CTNNA3: variants seen among roughly 807,000 people sequenced by gnomAD.
The protein encoded by CTNNA3 is catenin alpha 3, also known as catenin alpha-3.
Under a neutral mutation model 95.7 loss-of-function variants are expected in CTNNA3, and 76 were observed. The ratio of observed to expected loss-of-function variants is 0.79; its 90% CI spans 0.66 to 0.96. CTNNA3 has a LOEUF of 0.96. Ranked by LOEUF, CTNNA3 falls within the 40% of genes least tolerant of loss-of-function variation. CTNNA3 has a pLI of 0.00. For synonymous variants in CTNNA3, 431 were observed against 374.4 expected, an observed-to-expected ratio of 1.15 and a Z score of -1.74; for missense variants, 1,191 against 1,089.8, an observed-to-expected ratio of 1.09 and a Z score of -1.31.
chr10:67,249,073 C>G (rs1866010659), intron 5 of CTNNA3, among the ~76,000 whole-genome samples: 1 of 151,830 alleles, frequency 6.6e-6, no homozygotes, highest in Admixed American at 6.6e-5. Flanking sequence ...GCACAAACAG[C>G]AAAAGAAAAG....
chr10:67,719,898 G>A lies in CTNNA3; in HGVS notation c.-2+43536C>T, dbSNP rs544484524. Among the ~76,000 whole-genome samples the A allele has an allele frequency of 1.1e-4, 16 of 151,838 alleles. No individual in the cohort carries two copies. In the South Asian group the frequency reaches 1.9e-3, roughly 18 times the overall value. On this transcript the variant is annotated intron_variant, in intron 1 of 17. Coordinates refer to the CTNNA3 transcript ENST00000684154. ...TTGATCTGTGTAATATTGACAGTGG[G>A]GTGTTAGAGTCTCACAGTATTATTG... is the stretch of plus-strand genomic sequence containing the variant.
intron 1 of CTNNA3, among the ~76,000 whole-genome samples, chr10:67,665,217 G>A (rs1196902035): frequency 7.0e-6 from 1 of 142,460 alleles, no homozygotes; most frequent in Non-Finnish European, 1.5e-5. Flanking sequence ...CTGCTCAATT[G>A]AATCTGCCTG....
chr10:67,005,566 G>C (rs531946869), intron 7 of CTNNA3, among the ~76,000 whole-genome samples: 1 of 151,976 alleles, frequency 6.6e-6, no homozygotes, highest in African/African-American at 2.4e-5. Flanking sequence ...GGAAGAGGAG[G>C]CAAAGGTGAA....
rs146676812 is a variant in CTNNA3 at position 66,470,290 on chromosome 10, C to T, written c.1531+50327G>A. ...CTGTCAAACATGAAAGGGGAACGCA[C>T]GAACAGGAAGTTTGAAGACTGTGGA... On this transcript the variant is annotated intron_variant, in intron 11 of 17. Transcript: ENST00000433211. Among the ~76,000 whole-genome samples the T allele has an allele frequency of 6.0e-3, 915 of 151,792 alleles. 11 individuals are homozygous for T. Among genetic ancestry groups the T allele is most frequent in the African/African-American group, 0.021 (860 of 41,452 alleles).
chr10:67,304,706 C>G (rs1311601449), intron 5 of CTNNA3, among the ~76,000 whole-genome samples: 1 of 151,972 alleles, frequency 6.6e-6, no homozygotes, highest in Non-Finnish European at 1.5e-5. Flanking sequence ...TGACGTTATG[C>G]TAGTTGCTAT....
chr10:66,049,444 C>G (rs926069899), intron 15 of CTNNA3, among the ~76,000 whole-genome samples: 7 of 152,038 alleles, frequency 4.6e-5, no homozygotes, highest in African/African-American at 1.7e-4. Context: ...TGGGTAAATA[C>G]CCAGAGGAAT....
chr10:66,654,568 A>G (rs1490184928), intron 9 of CTNNA3, among the ~76,000 whole-genome samples: 4 of 152,084 alleles, frequency 2.6e-5, no homozygotes, highest in African/African-American at 9.7e-5. Context: ...TTTTGAAAAT[A>G]CCACTACAAT....
chr10:66,022,071 T>C (rs911093244), intron 15 of CTNNA3, among the ~76,000 whole-genome samples: 1 of 151,926 alleles, frequency 6.6e-6, no homozygotes, highest in Non-Finnish European at 1.5e-5. Context: ...CTGCCAAGGC[T>C]GTTCTCAAAC....
chr10:66,838,871 C>A (rs2132341418), intron 7 of CTNNA3, among the ~76,000 whole-genome samples: 1 of 152,342 alleles, frequency 6.6e-6, no homozygotes, highest in East Asian at 1.9e-4. Flanking sequence ...AGACTAATCA[C>A]TGAACTATTT....
chr10:67,595,122 G>A lies in CTNNA3; in HGVS notation c.292+11735C>T, dbSNP rs188322660. 4.9e-4 allele frequency among the ~76,000 whole-genome samples: 75 copies of A among 152,194 alleles called. 1 individual carries two copies. Among genetic ancestry groups the A allele is most frequent in the Middle Eastern group, 6.8e-3 (2 of 294 alleles). ...ATATACACACCAAAATGTGTTTTAC[G>A]TCTCAATTTTATTCAGTTCAGCTCT... On this transcript the variant is annotated intron_variant, in intron 3 of 17. Transcript: ENST00000433211.
intron 2 of CTNNA3, among the ~76,000 whole-genome samples, chr10:67,623,597 G>T (rs1170987081): frequency 6.6e-6 from 1 of 152,126 alleles, no homozygotes; most frequent in Non-Finnish European, 1.5e-5. Context: ...GGAGAGAGTA[G>T]AGAAGAAGCT....
At chr10:66,438,749 A>T (rs1194101830) in intron 11 of CTNNA3, among the ~76,000 whole-genome samples, 1 of 151,762 alleles carries the variant, frequency 6.6e-6, no homozygotes, top group Non-Finnish European at 1.5e-5. Flanking sequence ...TATGAAAAAA[A>T]CTCCTGCAGC....
At chr10:65,940,401 C>A (rs1253058355) in intron 17 of CTNNA3, among the ~76,000 whole-genome samples, 1 of 152,126 alleles carries the variant, frequency 6.6e-6, no homozygotes, top group Admixed American at 6.6e-5. Flanking sequence ...TCCAACATAA[C>A]AGAAAACAGG....
At chr10:67,180,585 GT>G in intron 6 of CTNNA3, 65 bp from the exon 7 acceptor site, 1 of 1,348,870 alleles carries the variant, frequency 7.4e-7, no homozygotes, top group Non-Finnish European at 1.1e-6. Context: ...AAAAACAAAT[GT>G]TATTTTGTTT....
At chr10:66,939,740 C>T (rs554020287) in intron 7 of CTNNA3, among the ~76,000 whole-genome samples, 7 of 152,166 alleles carry the variant, frequency 4.6e-5, no homozygotes, top group Admixed American at 2.0e-4. Context: ...TTGGAACATA[C>T]GTGATAAACA....
chr10:66,545,479 G>A (rs890592420), intron 10 of CTNNA3, among the ~76,000 whole-genome samples: 12 of 151,922 alleles, frequency 7.9e-5, no homozygotes, highest in African/African-American at 2.4e-4. Flanking sequence ...TTGCTTCTAG[G>A]AAATTACAAT....
intron 13 of CTNNA3, among the ~76,000 whole-genome samples, chr10:66,173,135 T>C (rs2085518406): frequency 6.6e-6 from 1 of 152,080 alleles, no homozygotes; most frequent in African/African-American, 2.4e-5. Context: ...TCCTAATCTA[T>C]TAGAAGGGTT....
chr10:67,405,446 A>G (rs562327637), intron 5 of CTNNA3, among the ~76,000 whole-genome samples: 34 of 152,340 alleles, frequency 2.2e-4, no homozygotes, highest in African/African-American at 7.5e-4. Context: ...AAAAAGACAA[A>G]GAAGAGTATT....
At chr10:67,736,542 G>A (rs912590432) in intron 1 of CTNNA3, among the ~76,000 whole-genome samples, 2 of 141,806 alleles carry the variant, frequency 1.4e-5, no homozygotes, top group African/African-American at 2.6e-5. Context: ...TGCAATCTCC[G>A]CCTCCCAGTT....
Sources: gnomAD v4.1 joint callset for allele counts (sites outside exome capture counted in the v4.1 genomes callset) on GRCh38, gnomAD v4.1.1 for gene constraint, MANE v1.5 for transcripts, NCBI Gene and HGNC (gene_info 2026-07-23, HGNC 2026-07-21) for gene names.